The following FUT9 variants were observed in gnomAD, a reference collection of about 807,000 sequenced individuals.
The protein encoded by FUT9 is fucosyltransferase 9, also known as 4-galactosyl-N-acetylglucosaminide 3-alpha-L-fucosyltransferase 9.
In FUT9, 15 loss-of-function variants were observed where a neutral mutation model predicts 29.7. The ratio of observed to expected loss-of-function variants is 0.51; its 90% CI spans 0.34 to 0.78. The LOEUF (loss-of-function observed/expected upper bound fraction) is 0.78. Ranked by LOEUF, FUT9 falls within the 30% of genes least tolerant of loss-of-function variation. The pLI, the probability that FUT9 is intolerant of heterozygous loss-of-function variation, is 0.01. For missense variants in FUT9, 319 were observed against 425.4 expected (o/e 0.75, Z 2.20); for synonymous variants, 169 against 153.7 (o/e 1.10, Z -0.74).
intron 1 of FUT9, among the ~76,000 whole-genome samples, chr6:96,084,051 T>TAG (rs1315328979): frequency 6.6e-6 from 1 of 152,010 alleles, no homozygotes; most frequent in Non-Finnish European, 1.5e-5. Context: ...GTCAATTGAG[T>TAG]AGATATTTAG....
chr6:96,118,675 C>T (rs1771961643), intron 2 of FUT9, among the ~76,000 whole-genome samples: 2 of 152,276 alleles, frequency 1.3e-5, no homozygotes, highest in South Asian at 4.2e-4. Context: ...TAAACAGCCT[C>T]AGACAGGTCT....
intron 1 of FUT9, among the ~76,000 whole-genome samples, chr6:96,090,873 A>G (rs558557804): frequency 7.9e-5 from 12 of 152,082 alleles, no homozygotes; most frequent in Non-Finnish European, 1.3e-4. Flanking sequence ...GCAGGAGTCC[A>G]TAGGATTACA....
intron 2 of FUT9, among the ~76,000 whole-genome samples, chr6:96,171,441 C>T (rs1773110968): frequency 6.6e-6 from 1 of 152,152 alleles, no homozygotes; most frequent in Non-Finnish European, 1.5e-5. Context: ...GAGGCCATCA[C>T]ACCACATAAA....
chr6:96,111,138 C>A (rs1219680549), intron 1 of FUT9, among the ~76,000 whole-genome samples: 1 of 152,140 alleles, frequency 6.6e-6, no homozygotes, highest in Non-Finnish European at 1.5e-5. Context: ...ATAATAAACT[C>A]ACCCATCAAG....
intron 2 of FUT9, among the ~76,000 whole-genome samples, chr6:96,129,982 G>C (rs1046755869): frequency 5.3e-5 from 8 of 151,962 alleles, no homozygotes; most frequent in Non-Finnish European, 1.2e-4. Context: ...TACCACAGTT[G>C]TAGGGCTTAG....
intron 2 of FUT9, among the ~76,000 whole-genome samples, chr6:96,154,236 T>G (rs1772733491): frequency 6.6e-6 from 1 of 152,238 alleles, no homozygotes; most frequent in Non-Finnish European, 1.5e-5. Flanking sequence ...TAGAAATACA[T>G]GAGCACAGAG....
At chr6:96,179,258 A>T (rs9499398) in intron 2 of FUT9, among the ~76,000 whole-genome samples, 26,036 of 152,066 alleles carry the variant, frequency 0.17, 2,489 homozygotes, top group Admixed American at 0.25. Context: ...ATACATATTT[A>T]CTCATTTAGT....
chr6:96,174,998 A>G (rs1237376560), intron 2 of FUT9, among the ~76,000 whole-genome samples: 1 of 152,118 alleles, frequency 6.6e-6, no homozygotes, highest in Non-Finnish European at 1.5e-5. Context: ...AGGATCTTAG[A>G]CTAAACATTG....
intron 2 of FUT9, among the ~76,000 whole-genome samples, chr6:96,188,499 G>A (rs922117388): frequency 6.6e-6 from 1 of 151,994 alleles, no homozygotes; most frequent in Non-Finnish European, 1.5e-5. Context: ...TGTGACCTGA[G>A]GCAGAAAGAT....
In FUT9 at chr6:96,175,119, T is replaced by C. The variant is rs1009350105; in HGVS notation, c.-8-28029T>C. ...TTTTCCTGGAGCTGGACTGAGAAAATGTCCTCAGCAAGATATCAAGTGTCT... is the reference window on the plus strand; with the variant it reads ...TTTTCCTGGAGCTGGACTGAGAAAACGTCCTCAGCAAGATATCAAGTGTCT... On this transcript the variant is annotated intron_variant, in intron 2 of 2. Transcript: ENST00000302103. 4.6e-5 allele frequency among the ~76,000 whole-genome samples: 7 copies of C among 151,872 alleles called. No individual in the cohort carries two copies. In the South Asian group the frequency reaches 1.5e-3, roughly 32 times the overall value.
chr6:96,101,506 A>G (rs1420187567), intron 1 of FUT9, among the ~76,000 whole-genome samples: 1 of 151,906 alleles, frequency 6.6e-6, no homozygotes, highest in African/African-American at 2.4e-5. Context: ...CTGAGATGGC[A>G]CTACTGCACT....
chr6:96,177,399 C>T (rs1056433985), intron 2 of FUT9, among the ~76,000 whole-genome samples: 2 of 151,938 alleles, frequency 1.3e-5, no homozygotes, highest in African/African-American at 2.4e-5. Context: ...TGTTAAATTT[C>T]CCCTACAACA....
At chr6:96,029,610 A>G (rs1770226832) in intron 1 of FUT9, among the ~76,000 whole-genome samples, 1 of 151,642 alleles carries the variant, frequency 6.6e-6, no homozygotes, top group Non-Finnish European at 1.5e-5. Context: ...AATGATTGGC[A>G]TCATTCCCAA....
intron 1 of FUT9, among the ~76,000 whole-genome samples, chr6:96,090,011 C>A (rs918763420): frequency 1.3e-5 from 2 of 151,912 alleles, no homozygotes; most frequent in African/African-American, 4.8e-5. Context: ...GACAAAAATA[C>A]AAAGATATGA....
chr6:96,078,405 C>CTGATTTTTTTTT (rs1201729276), intron 1 of FUT9, among the ~76,000 whole-genome samples: 15 of 45,204 alleles, frequency 3.3e-4, no homozygotes, highest in South Asian at 1.5e-3. Context: ...TCATATTAGT[C>CTGATTTTTTTTT]TTCTTTTTTT....
At chr6:96,143,447 T>C (rs1772503160) in intron 2 of FUT9, among the ~76,000 whole-genome samples, 1 of 152,206 alleles carries the variant, frequency 6.6e-6, no homozygotes, top group African/African-American at 2.4e-5. Context: ...AGCAGATAGT[T>C]CATATGGTTC....
chr6:96,067,389 A>G (rs1770980992), intron 1 of FUT9, among the ~76,000 whole-genome samples: 1 of 134,458 alleles, frequency 7.4e-6, no homozygotes, highest in Non-Finnish European at 1.6e-5. Flanking sequence ...TTTGAATTTT[A>G]TCCTGTATGA....
At chr6:96,192,682 C>T (rs1379925754) in intron 2 of FUT9, among the ~76,000 whole-genome samples, 3 of 152,010 alleles carry the variant, frequency 2.0e-5, no homozygotes, top group Non-Finnish European at 4.4e-5. Flanking sequence ...TGACTTTCTT[C>T]ACAGAGTTGG....
intron 2 of FUT9, among the ~76,000 whole-genome samples, chr6:96,175,084 CT>C (rs34458314): frequency 3.2e-3 from 469 of 144,618 alleles, no homozygotes; most frequent in Middle Eastern, 7.4e-3. Context: ...AGATTGAAGA[CT>C]TTTTTTTTTT....
Sources: gnomAD v4.1 joint callset for allele counts (sites outside exome capture counted in the v4.1 genomes callset) on GRCh38, gnomAD v4.1.1 for gene constraint, MANE v1.5 for transcripts, NCBI Gene and HGNC (gene_info 2026-07-23, HGNC 2026-07-21) for gene names.